The following NHLH1 variants were observed in gnomAD, a reference collection of about 807,000 sequenced individuals.
NHLH1 encodes the protein nescient helix-loop-helix 1, also known as helix-loop-helix protein 1.
NHLH1 carries 3 observed loss-of-function variants against 6.7 expected under a neutral mutation model. The observed-to-expected ratio is 0.44, with a 90% CI of 0.20 to 1.15. The LOEUF (loss-of-function observed/expected upper bound fraction) is 1.15, where lower values mean the gene tolerates loss of function less well. Among genes scored for constraint, NHLH1 ranks in the 50% most tolerant of loss-of-function variants. NHLH1 has a pLI of 0.26. For synonymous variants in NHLH1, 92 were observed against 84.2 expected (o/e 1.09, Z -0.51); for missense variants, 177 against 189.5 (o/e 0.93, Z 0.39).
chr1:160,370,832 G>A lies in NHLH1; in HGVS notation c.101G>A (p.Gly34Asp), dbSNP rs914387558. The A allele has an allele frequency of 3.1e-6, 5 of 1,608,978 alleles. No homozygotes were observed. In the African/African-American group the frequency reaches 6.7e-5, roughly 21 times the overall value. Reference protein sequence around the residue: ...SDCGGGAGPDGAGPGGPGGGQ... With the variant: ...SDCGGGAGPDDAGPGGPGGGQ... Reference sequence around the variant, plus strand: ...TGTGGGGGCGGGGCGGGCCCTGATGGTGCCGGGCCTGGGGGTCCGGGAGGG... The same window carrying A: ...TGTGGGGGCGGGGCGGGCCCTGATGATGCCGGGCCTGGGGGTCCGGGAGGG... Residue 34 changes from glycine (G) to aspartate (D), a missense_variant, in exon 2 of 2, where the codon GGT becomes GAT. Gly to Asp is a moderately conservative substitution (Grantham distance 94, BLOSUM62 -1). Coordinates refer to ENST00000302101, the MANE Select transcript of NHLH1 (RefSeq NM_005598.4).
intron 1 of NHLH1, among the ~76,000 whole-genome samples, chr1:160,369,276 CT>C (rs1385734653): frequency 6.6e-6 from 1 of 152,152 alleles, no homozygotes; most frequent in Non-Finnish European, 1.5e-5. Flanking sequence ...ACAGAACTTC[CT>C]TTTTAGGGCT....
At position 160,370,787 on chromosome 1, in the gene NHLH1, C is replaced by G. The variant is rs778928596; in HGVS notation, c.56C>G (p.Thr19Ser). Reference sequence around the variant, plus strand: ...GACCTGCCGCCCACCCACTCAGAGACTGAGTCGGGCTTCAGTGACTGTGGG... The same window carrying G: ...GACCTGCCGCCCACCCACTCAGAGAGTGAGTCGGGCTTCAGTGACTGTGGG... ...ELDLPPTHSETESGFSDCGGG... is the reference protein window; with the variant it reads ...ELDLPPTHSESESGFSDCGGG... The change falls in exon 2 of 2, where the codon ACT becomes AGT. Residue 19 changes from threonine (T) to serine (S), a missense_variant. Physicochemically the swap from Thr to Ser is moderately conservative, Grantham distance 58. Transcript: ENST00000302101. 1.9e-6 allele frequency: 3 copies of G among 1,612,842 alleles called. No individual in the cohort carries two copies. In the South Asian group the frequency reaches 3.3e-5, roughly 18 times the overall value.
At chr1:160,370,289 T>C (rs1649592461) in intron 1 of NHLH1, among the ~76,000 whole-genome samples, 1 of 152,100 alleles carries the variant, frequency 6.6e-6, no homozygotes, top group Non-Finnish European at 1.5e-5. Context: ...GCCTGGTGTA[T>C]CCTTCTCATC....
At chr1:160,367,514 T>C (rs966670178) in intron 1 of NHLH1, among the ~76,000 whole-genome samples, 177 bp downstream of exon 1, 8 of 152,036 alleles carry the variant, frequency 5.3e-5, no homozygotes, top group African/African-American at 1.4e-4. Context: ...CTATCCTCAG[T>C]TGGGTTAGGG....
In NHLH1 at chr1:160,371,371, A is replaced by T; in HGVS notation, c.*238A>T. 1 of 552,054 alleles carries T rather than the reference A, an allele frequency of 1.8e-6. No homozygotes were observed. 34.2% of individuals were successfully genotyped at this position (552,054 alleles called of 1,614,324 possible). ...GTTTATTGCTGAGGCCCAGCTGTGC[A>T]GAATTGTTTGCTAGTGTGGTTGGTA... is the stretch of plus-strand genomic sequence containing the variant. On this transcript the variant is annotated 3_prime_UTR_variant, in exon 2 of 2. Transcript: ENST00000302101.
chr1:160,368,397 G>T (rs1439469018), intron 1 of NHLH1, among the ~76,000 whole-genome samples: 1 of 152,204 alleles, frequency 6.6e-6, no homozygotes, highest in Non-Finnish European at 1.5e-5. Flanking sequence ...TCCCATAAGG[G>T]TAGCTCCAAA....
intron 1 of NHLH1, among the ~76,000 whole-genome samples, chr1:160,369,557 A>G (rs915693500): frequency 1.3e-5 from 2 of 152,186 alleles, no homozygotes; most frequent in African/African-American, 4.8e-5. Context: ...ACAAGGCATA[A>G]GGGTTCCAAT....
chr1:160,371,435 G>A lies in NHLH1; in HGVS notation c.*302G>A, dbSNP rs1480859252. The stretch of plus-strand genomic sequence containing the variant: ...GGCTTTACTAAGCCAGCCACACTTG[G>A]AGTCTGCCCCCAAGCTCTCTCACTG... On this transcript the variant is annotated 3_prime_UTR_variant, in exon 2 of 2. Transcript: ENST00000302101. 6 of 311,362 alleles carry A rather than the reference G, an allele frequency of 1.9e-5. No individual in the cohort carries two copies. Among genetic ancestry groups the A allele is most frequent in the Admixed American group, 9.7e-5 (2 of 20,562 alleles). 19.3% of individuals were successfully genotyped at this position (311,362 alleles called of 1,614,324 possible). A position where few individuals can be genotyped will look rare whatever the true frequency, so the allele number is the denominator to read the frequency against.
At chr1:160,367,539 G>A (rs1452235339) in intron 1 of NHLH1, among the ~76,000 whole-genome samples, 2 of 152,154 alleles carry the variant, frequency 1.3e-5, no homozygotes, top group Non-Finnish European at 2.9e-5. Flanking sequence ...CAGAAGTGGG[G>A]TGGGAAGTCC....
chr1:160,371,480 C>G lies in NHLH1; in HGVS notation c.*347C>G. On this transcript the variant is annotated 3_prime_UTR_variant, in exon 2 of 2. Transcript: ENST00000302101. ...TCACTGAATGCTGCCTCTTCTACCC[C>G]TATGTCCAAATTTTCAGCCACCACA... 4.4e-6 allele frequency: 1 copy of G among 229,530 alleles called. No homozygotes were observed. The highest frequency in any genetic ancestry group is 1.1e-4 in the South Asian group (1 of 9,404). 14.2% of individuals were successfully genotyped at this position (229,530 alleles called of 1,614,324 possible). A position where few individuals can be genotyped will look rare whatever the true frequency, so the allele number is the denominator to read the frequency against.
At chr1:160,370,352 G>A (rs1034993599) in intron 1 of NHLH1, among the ~76,000 whole-genome samples, 14 of 149,940 alleles carry the variant, frequency 9.3e-5, no homozygotes, top group Non-Finnish European at 1.5e-4. Context: ...ACTACCTTTC[G>A]TCCTCCTCTT....
Position 160,370,777 on chromosome 1 carries a change from C to T in NHLH1, c.46C>T (p.His16Tyr), listed in dbSNP as rs2101920858. The T allele has an allele frequency of 6.2e-7, 1 of 1,612,984 alleles. No individual in the cohort carries two copies. Among genetic ancestry groups the T allele is most frequent in the East Asian group, 2.2e-5 (1 of 44,824 alleles). Reference protein sequence around the residue: ...DTMELDLPPTHSETESGFSDC... With the variant: ...DTMELDLPPTYSETESGFSDC... ...CATGGAGCTGGACCTGCCGCCCACC[C>T]ACTCAGAGACTGAGTCGGGCTTCAG... Residue 16 changes from histidine (H) to tyrosine (Y), a missense_variant, in exon 2 of 2, where the codon CAC becomes TAC. His to Tyr is a moderately conservative substitution (Grantham distance 83). Transcript: ENST00000302101.
At position 160,371,632 on chromosome 1, in the gene NHLH1, C is replaced by T. The variant is rs2101921546; in HGVS notation, c.*499C>T. ...GGGCTTCTTCCTCCAAGATCTCAGT[C>T]TCTCAGTGCTTGGCAGAGGGGTGAG... On this transcript the variant is annotated 3_prime_UTR_variant, in exon 2 of 2. Transcript: ENST00000302101. The T allele has an allele frequency of 6.0e-6, 1 of 167,828 alleles. No individual in the cohort carries two copies. The highest frequency in any genetic ancestry group is 2.0e-4 in the South Asian group (1 of 4,880). The allele number at this position is 167,828 out of a possible 1,614,324, so 10.4% of individuals were successfully genotyped here.
Position 160,370,928 on chromosome 1 carries a change from G to A in NHLH1, c.197G>A (p.Arg66His), listed in dbSNP as rs1649611010. ...KDLQHLSREE[R>H]RRRRRATAKY... ...CTGCAGCATCTGAGCCGCGAGGAGC[G>A]CCGGCGCCGGCGCCGCGCCACAGCC... is the stretch of plus-strand genomic sequence containing the variant. Residue 66 changes from arginine to histidine, a missense_variant, in exon 2 of 2, where the codon CGC becomes CAC. Arg to His is a conservative substitution (Grantham distance 29, BLOSUM62 0). Coordinates refer to ENST00000302101, the MANE Select transcript of NHLH1 (RefSeq NM_005598.4). The A allele has an allele frequency of 3.7e-6, 6 of 1,607,136 alleles. No homozygotes were observed. Among genetic ancestry groups the A allele is most frequent in the Non-Finnish European group, 5.1e-6 (6 of 1,176,562 alleles).
At position 160,371,276 on chromosome 1, in the gene NHLH1, T is replaced by C. The variant is rs758754240; in HGVS notation, c.*143T>C. 2.3e-4 allele frequency: 316 copies of C among 1,347,956 alleles called. No individual in the cohort carries two copies. The highest frequency in any genetic ancestry group is 1.9e-4 in the Non-Finnish European group (191 of 1,014,782). 83.5% of individuals were successfully genotyped at this position (1,347,956 alleles called of 1,614,324 possible). ...GGGCACAGGCAGAGAGCCCACCGGC[T>C]GGTCATGAGGGCCTCTTCCTTTCTC... On this transcript the variant is annotated 3_prime_UTR_variant, in exon 2 of 2. Transcript: ENST00000302101.
Position 160,371,173 on chromosome 1 carries a change from C to T in NHLH1, c.*40C>T, listed in dbSNP as rs1018733633. On this transcript the variant is annotated 3_prime_UTR_variant, in exon 2 of 2. Coordinates refer to ENST00000302101, the MANE Select transcript of NHLH1 (RefSeq NM_005598.4). ...CCACCTCCCGGGCCTCTCTGGGGCCCCTTTCCACCGCTCACTGCTTAGAAA... is the reference window on the plus strand; with the variant it reads ...CCACCTCCCGGGCCTCTCTGGGGCCTCTTTCCACCGCTCACTGCTTAGAAA... The T allele has an allele frequency of 1.3e-6, 2 of 1,561,112 alleles. No individual in the cohort carries two copies. Among genetic ancestry groups the T allele is most frequent in the Admixed American group, 3.8e-5 (2 of 52,490 alleles).
chr1:160,370,822 G>A lies in NHLH1; in HGVS notation c.91G>A (p.Gly31Ser), dbSNP rs1181158528. The A allele has an allele frequency of 6.2e-7, 1 of 1,610,416 alleles. No homozygotes were observed. The highest frequency in any genetic ancestry group is 8.5e-7 in the Non-Finnish European group (1 of 1,179,172). Residue 31 changes from glycine (G) to serine (S), a missense_variant, in exon 2 of 2, where the codon GGC (glycine) becomes AGC (serine). Coordinates refer to ENST00000302101, the MANE Select transcript of NHLH1 (RefSeq NM_005598.4). ...SGFSDCGGGA[G>S]PDGAGPGGPG... Reference sequence around the variant, plus strand: ...CTTCAGTGACTGTGGGGGCGGGGCGGGCCCTGATGGTGCCGGGCCTGGGGG... The same window carrying A: ...CTTCAGTGACTGTGGGGGCGGGGCGAGCCCTGATGGTGCCGGGCCTGGGGG...
intron 1 of NHLH1, among the ~76,000 whole-genome samples, chr1:160,368,641 A>T (rs1384249395): frequency 6.6e-6 from 1 of 152,152 alleles, no homozygotes; most frequent in Non-Finnish European, 1.5e-5. Flanking sequence ...AGTGGACAGG[A>T]TCTCATATCT....
At chr1:160,369,630 T>C (rs748497902) in intron 1 of NHLH1, among the ~76,000 whole-genome samples, 5 of 152,234 alleles carry the variant, frequency 3.3e-5, no homozygotes, top group Non-Finnish European at 5.9e-5. Flanking sequence ...ATAGTAGCCA[T>C]CCTAATGGGT....
Sources: allele counts gnomAD v4.1 joint callset (sites outside exome capture counted in the v4.1 genomes callset), GRCh38; gene constraint gnomAD v4.1.1; transcripts MANE v1.5; gene names NCBI Gene and HGNC (gene_info 2026-07-23, HGNC 2026-07-21).